The following CCNY variants were observed in gnomAD, a reference collection of about 807,000 sequenced individuals.
The protein encoded by CCNY is cyclin-Y.
Under a neutral mutation model 42.8 loss-of-function variants are expected in CCNY, and 19 were observed. The observed-to-expected ratio is 0.44, with a 90% CI of 0.31 to 0.65. The LOEUF is 0.65. Among genes scored for constraint, CCNY ranks in the 30% least tolerant of loss-of-function variants. CCNY has a pLI of 0.07. For synonymous variants in CCNY, 165 were observed against 162.7 expected, an observed-to-expected ratio of 1.01 and a Z score of -0.11; for missense variants, 370 against 437.3, an observed-to-expected ratio of 0.85 and a Z score of 1.37.
chr10:35,451,918 G>A (rs1838927418), intron 1 of CCNY, among the ~76,000 whole-genome samples: 1 of 152,176 alleles, frequency 6.6e-6, no homozygotes, highest in Non-Finnish European at 1.5e-5. Context: ...CTTTGGGCCT[G>A]GCAGTGTCCT....
At chr10:35,553,475 C>A (rs1328396447) in intron 8 of CCNY, among the ~76,000 whole-genome samples, 1 of 152,196 alleles carries the variant, frequency 6.6e-6, no homozygotes, top group Non-Finnish European at 1.5e-5. Context: ...AAGGTGTGGT[C>A]CAGCACTGAT....
chr10:35,428,964 T>C (rs962532553), intron 1 of CCNY, among the ~76,000 whole-genome samples: 5 of 152,198 alleles, frequency 3.3e-5, no homozygotes, highest in African/African-American at 1.2e-4. Flanking sequence ...ACCTAAACAA[T>C]TTGAGGAACA....
At chr10:35,269,052 C>T (rs1022377464) in intron 3 of CCNY, among the ~76,000 whole-genome samples, 2 of 152,232 alleles carry the variant, frequency 1.3e-5, no homozygotes, top group Non-Finnish European at 2.9e-5. Context: ...ATCAAACAGT[C>T]ACTTGGCCAC....
intron 2 of CCNY, among the ~76,000 whole-genome samples, chr10:35,487,501 G>T (rs1051673621): frequency 5.9e-5 from 9 of 152,076 alleles, no homozygotes; most frequent in African/African-American, 2.2e-4. Context: ...TGTCGGCCAT[G>T]CATCCCACCT....
At chr10:35,325,772 CCT>C (rs1420478807) in intron 3 of CCNY, among the ~76,000 whole-genome samples, 1 of 152,108 alleles carries the variant, frequency 6.6e-6, no homozygotes, top group Non-Finnish European at 1.5e-5. Flanking sequence ...GCTTGGCCCC[CCT>C]TTCATTTTTT....
At chr10:35,468,349 T>C (rs1201783500) in intron 1 of CCNY, among the ~76,000 whole-genome samples, 1 of 152,208 alleles carries the variant, frequency 6.6e-6, no homozygotes, top group Non-Finnish European at 1.5e-5. Flanking sequence ...CGTATGAATT[T>C]TGGGGGGACA....
intron 1 of CCNY, among the ~76,000 whole-genome samples, chr10:35,445,402 C>T (rs1838770145): frequency 6.6e-6 from 1 of 152,120 alleles, no homozygotes; most frequent in Non-Finnish European, 1.5e-5. Flanking sequence ...CTGACAGGAA[C>T]TGGGGCAAAA....
chr10:35,524,485 G>A (rs1426252540), intron 4 of CCNY, among the ~76,000 whole-genome samples: 1 of 152,186 alleles, frequency 6.6e-6, no homozygotes, highest in African/African-American at 2.4e-5. Flanking sequence ...GAGTGCTTTG[G>A]AATCCAAGGT....
intron 3 of CCNY, among the ~76,000 whole-genome samples, chr10:35,286,406 T>A (rs1008812622): frequency 6.6e-6 from 1 of 151,664 alleles, no homozygotes; most frequent in African/African-American, 2.4e-5. Flanking sequence ...TCGCCCAGGC[T>A]GGAGTCCAGT....
intron 1 of CCNY, among the ~76,000 whole-genome samples, chr10:35,466,099 G>A (rs181722464): frequency 2.8e-4 from 42 of 152,008 alleles, no homozygotes; most frequent in African/African-American, 8.9e-4. Flanking sequence ...CTAATTTACC[G>A]GCTCATTTCT....
chr10:35,556,490 G>A (rs113439227), intron 8 of CCNY, among the ~76,000 whole-genome samples: 1,677 of 152,162 alleles, frequency 0.011, 26 homozygotes, highest in African/African-American at 0.038. Flanking sequence ...ATAATATACT[G>A]TTTACTCTTT....
chr10:35,479,990 T>C (rs538920469), intron 1 of CCNY, among the ~76,000 whole-genome samples: 23 of 151,818 alleles, frequency 1.5e-4, no homozygotes, highest in South Asian at 4.2e-4. Context: ...TGGTGGCTTT[T>C]CCCCTTTTTT....
chr10:35,407,794 G>T (rs1208033190), intron 1 of CCNY, among the ~76,000 whole-genome samples: 1 of 152,032 alleles, frequency 6.6e-6, no homozygotes, highest in Non-Finnish European at 1.5e-5. Flanking sequence ...GAGAAGGGGG[G>T]TGGGGAGCAG....
chr10:35,282,965 C>T (rs760208002), intron 3 of CCNY, among the ~76,000 whole-genome samples: 13 of 152,100 alleles, frequency 8.5e-5, no homozygotes, highest in Admixed American at 4.6e-4. Context: ...ATGTGTTCCA[C>T]GTCTGTATTC....
At position 35,553,129 on chromosome 10, in the gene CCNY, G is replaced by A; in HGVS notation, c.690G>A (p.Gln230=). The A allele has an allele frequency of 1.2e-6, 2 of 1,614,240 alleles. No homozygotes were observed. Among genetic ancestry groups the A allele is most frequent in the Non-Finnish European group, 1.7e-6 (2 of 1,180,046 alleles). ...ILLASKVWDD[Q]AVWNVDYCQI... ...TGGCCTCCAAGGTGTGGGATGACCA[G>A]GCTGTATGGAATGTGGATTACTGCC... The change falls in exon 8 of 10, where the codon CAG becomes CAA. Residue 230 remains glutamine, a synonymous_variant. Transcript: ENST00000374704.
At chr10:35,460,707 A>G (rs750772588) in intron 1 of CCNY, among the ~76,000 whole-genome samples, 1 of 152,216 alleles carries the variant, frequency 6.6e-6, no homozygotes, top group Non-Finnish European at 1.5e-5. Context: ...CTGTTGCATA[A>G]GGTTTTCTAA....
chr10:35,264,718 G>A (rs1052704019), intron 3 of CCNY, among the ~76,000 whole-genome samples: 14 of 152,020 alleles, frequency 9.2e-5, no homozygotes, highest in African/African-American at 3.4e-4. Context: ...GCAGTGGCGT[G>A]ATCTCGGGTC....
intron 1 of CCNY, 66 bp from the exon 2 acceptor site, chr10:35,483,338 G>A: frequency 9.5e-7 from 1 of 1,058,002 alleles, no homozygotes. Flanking sequence ...AAATAATTGA[G>A]TCAATCTTGA....
intron 3 of CCNY, among the ~76,000 whole-genome samples, chr10:35,274,811 G>A (rs1835218357): frequency 6.6e-6 from 1 of 152,032 alleles, no homozygotes; most frequent in African/African-American, 2.4e-5. Context: ...CCAGCTGGAT[G>A]GTCATATGCA....
Sources: gnomAD v4.1 joint callset for allele counts (sites outside exome capture counted in the v4.1 genomes callset) on GRCh38, gnomAD v4.1.1 for gene constraint, MANE v1.5 for transcripts, NCBI Gene and HGNC (gene_info 2026-07-23, HGNC 2026-07-21) for gene names.